The following DIS3L2 variants were observed in gnomAD, a reference collection of about 807,000 sequenced individuals.
The protein encoded by DIS3L2 is DIS3-like exonuclease 2.
A neutral mutation model predicts 97.5 loss-of-function variants in DIS3L2; 34 were observed. The ratio of observed to expected loss-of-function variants is 0.35; its 90% confidence interval spans 0.27 to 0.46. The LOEUF (loss-of-function observed/expected upper bound fraction) is 0.46, where lower values mean the gene tolerates loss of function less well. DIS3L2 is among the 20% of genes least tolerant of loss of function. The pLI, the probability that DIS3L2 is intolerant of heterozygous loss-of-function variation, is 1.00. For synonymous variants in DIS3L2, 435 were observed against 445.2 expected, an observed-to-expected ratio of 0.98 and a Z score of 0.29; for missense variants, 1,038 against 1,146.0, an observed-to-expected ratio of 0.91 and a Z score of 1.36.
intron 8 of DIS3L2, among the ~76,000 whole-genome samples, chr2:232,146,991 C>T (rs1343722781): frequency 2.0e-5 from 3 of 152,154 alleles, no homozygotes; most frequent in African/African-American, 7.2e-5. Flanking sequence ...TCATACTCTA[C>T]ATACATCTTC....
At chr2:232,275,837 A>T (rs933510272) in intron 13 of DIS3L2, among the ~76,000 whole-genome samples, 9 of 152,182 alleles carry the variant, frequency 5.9e-5, no homozygotes, top group African/African-American at 2.2e-4. Flanking sequence ...GTAGAGGCAG[A>T]TGGGACAGGG....
intron 1 of DIS3L2, among the ~76,000 whole-genome samples, chr2:231,963,408 T>A (rs1459035921): frequency 6.6e-6 from 1 of 152,204 alleles, no homozygotes; most frequent in African/African-American, 2.4e-5. Context: ...TTCTGAGAAG[T>A]GTTCATGTCC....
Position 232,163,567 on chromosome 2 carries a change from A to C in DIS3L2, c.1059A>C (p.Glu353Asp). 1 of 1,614,158 alleles carries C rather than the reference A, an allele frequency of 6.2e-7. No homozygotes were observed. Residue 353 changes from glutamate to aspartate, a missense_variant, in exon 9 of 21, where the codon GAA becomes GAC. Glu to Asp is a conservative substitution (Grantham distance 45). Transcript: ENST00000325385. Reference protein sequence around the residue: ...DFSDFSSEVLECLPQGLPWTI... With the variant: ...DFSDFSSEVLDCLPQGLPWTI... ...CTGATTTCTCTTCAGAAGTTCTAGA[A>C]TGTCTTCCTCAAGGCCTGCCATGGA...
At chr2:232,343,333 A>T (rs1461308979) in intron 13 of DIS3L2, 9 of 1,552,704 alleles carry the variant, frequency 5.8e-6, no homozygotes, top group African/African-American at 1.4e-5. Flanking sequence ...GGAGACACGG[A>T]AAAGGGCCCA....
At chr2:231,970,473 G>A (rs539903629) in intron 1 of DIS3L2, among the ~76,000 whole-genome samples, 1 of 152,286 alleles carries the variant, frequency 6.6e-6, no homozygotes, top group African/African-American at 2.4e-5. Flanking sequence ...GCATGTGACT[G>A]CATTTAATAC....
At chr2:232,144,978 A>G (rs1177518720) in intron 8 of DIS3L2, among the ~76,000 whole-genome samples, 1 of 152,180 alleles carries the variant, frequency 6.6e-6, no homozygotes, top group Admixed American at 6.5e-5. Flanking sequence ...CACCTTGATC[A>G]CCTGGTTAAG....
intron 8 of DIS3L2, among the ~76,000 whole-genome samples, chr2:232,147,881 G>A (rs958315926): frequency 3.3e-5 from 5 of 152,068 alleles, no homozygotes; most frequent in Non-Finnish European, 5.9e-5. Context: ...TTTTCAAGGT[G>A]ACAGAAGAGT....
intron 1 of DIS3L2, among the ~76,000 whole-genome samples, chr2:232,000,701 T>TGTC: frequency 7.0e-6 from 1 of 142,934 alleles, no homozygotes; most frequent in East Asian, 2.0e-4. Flanking sequence ...TCTCTCTTTC[T>TGTC]TTCCTTCTTT....
At chr2:232,113,483 C>T (rs1697601172) in intron 6 of DIS3L2, among the ~76,000 whole-genome samples, 1 of 152,218 alleles carries the variant, frequency 6.6e-6, no homozygotes, top group Non-Finnish European at 1.5e-5. Flanking sequence ...AAAGTGGTTC[C>T]ACTCCTTTTA....
At chr2:232,047,304 AAAG>A (rs1425959831) in intron 5 of DIS3L2, among the ~76,000 whole-genome samples, 1 of 152,240 alleles carries the variant, frequency 6.6e-6, no homozygotes, top group Non-Finnish European at 1.5e-5. Flanking sequence ...TTAGAAAGAA[AAAG>A]AAGATAGCTG....
intron 11 of DIS3L2, among the ~76,000 whole-genome samples, chr2:232,242,791 G>C (rs1407805706): frequency 1.3e-5 from 2 of 152,210 alleles, no homozygotes; most frequent in Non-Finnish European, 2.9e-5. Context: ...TCCACGGCCA[G>C]CTCTTAAGCT....
chr2:232,000,069 T>C (rs1236463393), intron 1 of DIS3L2, among the ~76,000 whole-genome samples: 1 of 152,176 alleles, frequency 6.6e-6, no homozygotes, highest in Non-Finnish European at 1.5e-5. Context: ...AGGTCCCTTA[T>C]ATAAAATGGC....
chr2:232,034,523 T>G (rs1694900156), intron 5 of DIS3L2, among the ~76,000 whole-genome samples: 1 of 152,218 alleles, frequency 6.6e-6, no homozygotes, highest in South Asian at 2.1e-4. Flanking sequence ...TTGAATTTGT[T>G]TACTCTTGCT....
At chr2:232,220,340 TAATA>T (rs779060262) in intron 10 of DIS3L2, among the ~76,000 whole-genome samples, 40 of 151,398 alleles carry the variant, frequency 2.6e-4, no homozygotes, top group South Asian at 1.0e-3. Flanking sequence ...TGTTGTTAAA[TAATA>T]AATAAATAAA....
intron 16 of DIS3L2, 131 bp downstream of exon 16, chr2:232,330,907 GCTC>G (rs1479435144): frequency 1.3e-5 from 12 of 937,220 alleles, no homozygotes; most frequent in East Asian, 9.9e-5. Context: ...GACGGGGGCT[GCTC>G]CTCCTCTGCC....
At chr2:231,984,594 C>T (rs1425677053) in intron 1 of DIS3L2, among the ~76,000 whole-genome samples, 3 of 151,698 alleles carry the variant, frequency 2.0e-5, no homozygotes, top group Non-Finnish European at 4.4e-5. Context: ...GGGGTTTCAC[C>T]GTGTTAGCCA....
chr2:232,336,758 T>TTTAA lies in DIS3L2; in HGVS notation c.*131_*134dup, dbSNP rs1695968908. 2.7e-6 allele frequency: 4 copies of TTTAA among 1,484,866 alleles called. No homozygotes were observed. The highest frequency in any genetic ancestry group is 2.7e-5 in the Admixed American group (1 of 36,658). 92.0% of individuals were successfully genotyped at this position (1,484,866 alleles called of 1,614,324 possible). Reference sequence around the variant, plus strand: ...ACTCAGGGGTTTGTTTTTATTTTTATTTAATTTTTGCAGCTCAACTTTTAA... The same window carrying TTTAA: ...ACTCAGGGGTTTGTTTTTATTTTTATTTAATTAATTTTTGCAGCTCAACTTTTAA... On this transcript the variant is annotated 3_prime_UTR_variant, in exon 21 of 21. Coordinates refer to ENST00000325385, the MANE Select transcript of DIS3L2 (RefSeq NM_152383.5).
At chr2:232,208,144 A>G (rs1559155724) in intron 9 of DIS3L2, among the ~76,000 whole-genome samples, 1 of 152,208 alleles carries the variant, frequency 6.6e-6, no homozygotes, top group Non-Finnish European at 1.5e-5. Context: ...GAATTTTAAG[A>G]CATGCATAGA....
intron 9 of DIS3L2, among the ~76,000 whole-genome samples, chr2:232,198,136 T>C (rs1431900930): frequency 6.6e-6 from 1 of 152,138 alleles, no homozygotes; most frequent in East Asian, 1.9e-4. Flanking sequence ...AGCAAGTTAC[T>C]TAATCCGTCT....
Sources: allele counts gnomAD v4.1 joint callset (sites outside exome capture counted in the v4.1 genomes callset), GRCh38; gene constraint gnomAD v4.1.1; transcripts MANE v1.5; gene names NCBI Gene and HGNC (gene_info 2026-07-23, HGNC 2026-07-21).